The following KIAA1328 variants were observed in gnomAD, a reference collection of about 807,000 sequenced individuals.
KIAA1328 encodes KIAA1328.
KIAA1328 carries 52 observed loss-of-function variants against 68.1 expected under a neutral mutation model. The ratio of observed to expected loss-of-function variants is 0.76; its 90% CI spans 0.61 to 0.96. KIAA1328 has a LOEUF of 0.96. Among genes scored for constraint, KIAA1328 ranks in the 40% least tolerant of loss-of-function variants. The pLI is 0.00. For synonymous variants in KIAA1328, 232 were observed against 239.4 expected, an observed-to-expected ratio of 0.97 and a Z score of 0.28; for missense variants, 641 against 677.6, an observed-to-expected ratio of 0.95 and a Z score of 0.60.
chr18:37,231,562 T>G (rs1312304443), downstream of KIAA1328: 1 of 152,366 alleles, frequency 6.6e-6, no homozygotes, highest in Non-Finnish European at 1.5e-5. Context: ...CGTTGGCATT[T>G]GTAAGAAAGT....
At chr18:37,044,798 C>CAAA (rs35937835) in intron 6 of KIAA1328, among the ~76,000 whole-genome samples, 1 of 80,790 alleles carries the variant, frequency 1.2e-5, no homozygotes, top group Admixed American at 1.3e-4. Context: ...GACTCCGGCT[C>CAAA]AAAAAAAAAA....
intron 6 of KIAA1328, among the ~76,000 whole-genome samples, chr18:37,029,061 C>T (rs2054713542): frequency 6.6e-6 from 1 of 152,048 alleles, no homozygotes; most frequent in Non-Finnish European, 1.5e-5. Context: ...GTCCCTCCTA[C>T]TTGATTTTTT....
At chr18:36,879,575 C>T (rs927662352) in intron 4 of KIAA1328, among the ~76,000 whole-genome samples, 6 of 152,190 alleles carry the variant, frequency 3.9e-5, no homozygotes, top group Non-Finnish European at 8.8e-5. Flanking sequence ...AGATCTGCTC[C>T]TCTCTTCAGA....
At chr18:37,182,093 G>T (rs1316931134) in intron 9 of KIAA1328, among the ~76,000 whole-genome samples, 1 of 152,110 alleles carries the variant, frequency 6.6e-6, no homozygotes, top group African/African-American at 2.4e-5. Context: ...GCTATGAATG[G>T]TGACATCTGT....
intron 4 of KIAA1328, among the ~76,000 whole-genome samples, chr18:36,857,915 G>A (rs1403266109): frequency 6.6e-6 from 1 of 152,152 alleles, no homozygotes; most frequent in South Asian, 2.1e-4. Flanking sequence ...ATGGTGCTAG[G>A]CTATGACTTA....
At chr18:37,053,021 G>C (rs1399268310) in intron 6 of KIAA1328, among the ~76,000 whole-genome samples, 1 of 152,134 alleles carries the variant, frequency 6.6e-6, no homozygotes, top group African/African-American at 2.4e-5. Flanking sequence ...CCAAAAATGA[G>C]TGCAAATAGC....
chr18:37,082,225 G>GC (rs2056973109), intron 7 of KIAA1328, among the ~76,000 whole-genome samples: 1 of 134,698 alleles, frequency 7.4e-6, no homozygotes, highest in African/African-American at 2.8e-5. Flanking sequence ...AGGCTGAAGT[G>GC]CAGTGGTGTG....
chr18:37,017,687 C>T (rs1404665554), intron 6 of KIAA1328, among the ~76,000 whole-genome samples: 1 of 152,058 alleles, frequency 6.6e-6, no homozygotes, highest in East Asian at 1.9e-4. Context: ...TAAGATTTAT[C>T]TAATTGAACC....
chr18:36,882,606 G>T (rs996153162), intron 4 of KIAA1328, among the ~76,000 whole-genome samples: 68 of 152,148 alleles, frequency 4.5e-4, no homozygotes, highest in Non-Finnish European at 8.8e-4. Context: ...AATTGCTAAA[G>T]GATAGTCAAA....
intron 9 of KIAA1328, among the ~76,000 whole-genome samples, chr18:37,175,470 T>C (rs2059581493): frequency 6.6e-6 from 1 of 152,156 alleles, no homozygotes; most frequent in African/African-American, 2.4e-5. Flanking sequence ...CAGCTAAATA[T>C]AGATTCTCAG....
intron 7 of KIAA1328, among the ~76,000 whole-genome samples, chr18:37,138,630 G>A (rs967529413): frequency 2.0e-5 from 3 of 151,726 alleles, no homozygotes; most frequent in Admixed American, 6.6e-5. Context: ...TCATGACCCC[G>A]CCCCCATTCT....
At chr18:37,184,360 T>C (rs1295849741) in intron 9 of KIAA1328, among the ~76,000 whole-genome samples, 1 of 152,240 alleles carries the variant, frequency 6.6e-6, no homozygotes, top group Admixed American at 6.5e-5. Context: ...GTGTGAGCAG[T>C]GTCAACATGT....
chr18:36,903,841 T>G (rs576606810), intron 5 of KIAA1328, among the ~76,000 whole-genome samples: 37 of 152,280 alleles, frequency 2.4e-4, no homozygotes, highest in African/African-American at 8.7e-4. Flanking sequence ...TCCCATCTTC[T>G]AGTTCCTTGC....
chr18:36,868,157 CA>C (rs1370837233), intron 4 of KIAA1328, among the ~76,000 whole-genome samples: 2 of 151,956 alleles, frequency 1.3e-5, no homozygotes, highest in Non-Finnish European at 2.9e-5. Flanking sequence ...ACAGAAGCCA[CA>C]AAGAGAAATT....
chr18:36,890,396 C>T (rs1183235855), intron 5 of KIAA1328, among the ~76,000 whole-genome samples: 4 of 151,962 alleles, frequency 2.6e-5, no homozygotes, highest in African/African-American at 7.3e-5. Context: ...TATGTCTGCG[C>T]GTCATGGCTC....
intron 7 of KIAA1328, among the ~76,000 whole-genome samples, chr18:37,135,214 C>A (rs1027300048): frequency 1.3e-5 from 2 of 152,122 alleles, no homozygotes; most frequent in Non-Finnish European, 2.9e-5. Context: ...GGATATACAC[C>A]TAATAGTGGG....
At chr18:37,006,186 T>A in intron 6 of KIAA1328, among the ~76,000 whole-genome samples, 1 of 152,120 alleles carries the variant, frequency 6.6e-6, no homozygotes, top group Non-Finnish European at 1.5e-5. Context: ...AGTAGTTATT[T>A]AAAAAAACCT....
At chr18:37,213,296 C>T (rs188606928) in intron 9 of KIAA1328, among the ~76,000 whole-genome samples, 102 of 152,258 alleles carry the variant, frequency 6.7e-4, no homozygotes, top group African/African-American at 2.0e-3. Context: ...TATCCCTCCC[C>T]GCTCTCCCCA....
At chr18:37,023,464 G>A (rs563705709) in intron 6 of KIAA1328, among the ~76,000 whole-genome samples, 4 of 152,108 alleles carry the variant, frequency 2.6e-5, no homozygotes, top group Admixed American at 6.6e-5. Flanking sequence ...GAAGATCTTC[G>A]TATTTTTTTC....
Sources: allele counts gnomAD v4.1 joint callset (sites outside exome capture counted in the v4.1 genomes callset), GRCh38; gene constraint gnomAD v4.1.1; transcripts MANE v1.5; gene names NCBI Gene and HGNC (gene_info 2026-07-23, HGNC 2026-07-21).